CLK4: variants seen among roughly 807,000 people sequenced by gnomAD.
The protein encoded by CLK4 is dual specificity protein kinase CLK4.
A neutral mutation model predicts 64.4 loss-of-function variants in CLK4; 37 were observed. That is an observed-to-expected ratio of 0.57 (90% CI 0.44 to 0.76). The LOEUF (loss-of-function observed/expected upper bound fraction) is 0.76, where lower values mean the gene tolerates loss of function less well. CLK4 is among the 30% of genes least tolerant of loss of function. The probability of loss-of-function intolerance (pLI) is 0.00; values close to 1 mark genes in which losing one functional copy is unlikely to be tolerated. For synonymous variants in CLK4, 175 were observed against 191.6 expected (o/e 0.91, Z 0.72); for missense variants, 457 against 605.1 (o/e 0.76, Z 2.57).
At chr5:178,615,815 G>C (rs1764619456) in intron 5 of CLK4, among the ~76,000 whole-genome samples, 1 of 152,164 alleles carries the variant, frequency 6.6e-6, no homozygotes, top group South Asian at 2.1e-4. Flanking sequence ...CCACAAAATA[G>C]AGGTCCTAGA....
intron 11 of CLK4, chr5:178,604,228 C>G (rs1052829516): frequency 4.9e-6 from 1 of 205,240 alleles, no homozygotes. Flanking sequence ...TTCACTAGAT[C>G]TAGAATGGGG....
intron 10 of CLK4, among the ~76,000 whole-genome samples, chr5:178,606,440 G>A (rs978673155): frequency 2.0e-5 from 3 of 152,082 alleles, no homozygotes; most frequent in Non-Finnish European, 4.4e-5. Context: ...CAGAAATCTG[G>A]CGAGGTGCCC....
At chr5:178,613,026 GACA>G (rs1764578575) in intron 7 of CLK4, 136 bp from the exon 8 acceptor site, 7 of 507,800 alleles carry the variant, frequency 1.4e-5, no homozygotes, top group Admixed American at 1.1e-4. Flanking sequence ...TTTTTTTAGT[GACA>G]ACATTTGGAT....
chr5:178,623,436 GGGAATTGT>G lies in CLK4; in HGVS notation c.1-28_1-21del. On this transcript the variant is annotated intron_variant, in intron 1 of 12. Transcript: ENST00000316308. ...CCGCATCTGTTGATAGAAATGAAAA[GGGAATTGT>G]GGAGGTTACAGATGTGTGATAGGTA... 1 of 1,597,516 alleles carries G rather than the reference GGGAATTGT, an allele frequency of 6.3e-7. No homozygotes were observed. The highest frequency in any genetic ancestry group is 8.5e-7 in the Non-Finnish European group (1 of 1,173,760).
rs1206144992 is a variant in CLK4, at chr5:178,602,941, T to A, written c.*676A>T. ...TATATCTGTGACTCACCAAACATAC[T>A]TGGAAATGTCCATTTTCCAAGCTGA... is the stretch of plus-strand genomic sequence containing the variant. On this transcript the variant is annotated 3_prime_UTR_variant, in exon 13 of 13. Coordinates refer to ENST00000316308, the MANE Select transcript of CLK4 (RefSeq NM_020666.3). The A allele has an allele frequency of 6.6e-6, 1 of 152,228 alleles. No homozygotes were observed. Among genetic ancestry groups the A allele is most frequent in the Non-Finnish European group, 1.5e-5 (1 of 68,040 alleles). 9.4% of individuals were successfully genotyped at this position (152,228 alleles called of 1,614,324 possible). A position where few individuals can be genotyped will look rare whatever the true frequency, so the allele number is the denominator to read the frequency against.
At chr5:178,623,143 A>G in intron 2 of CLK4, 113 bp downstream of exon 2, 4 of 1,053,580 alleles carry the variant, frequency 3.8e-6, no homozygotes, top group South Asian at 1.4e-5. Context: ...TTCTAAACGA[A>G]TATTTGTTGA....
intron 9 of CLK4, among the ~76,000 whole-genome samples, chr5:178,610,166 T>C (rs1038699824): frequency 6.6e-6 from 1 of 151,608 alleles, no homozygotes; most frequent in Non-Finnish European, 1.5e-5. Flanking sequence ...GGCGGGCACC[T>C]GTAAGCCCAG....
chr5:178,619,404 T>G (rs1340867985), intron 2 of CLK4, among the ~76,000 whole-genome samples: 4 of 152,254 alleles, frequency 2.6e-5, no homozygotes, highest in African/African-American at 9.6e-5. Context: ...CTCTACTCTT[T>G]GCATTTCTAG....
At chr5:178,605,923 T>G (rs1410333364) in intron 10 of CLK4, 3 of 152,250 alleles carry the variant, frequency 2.0e-5, no homozygotes, top group African/African-American at 2.4e-5. Flanking sequence ...TGGTCCCTAT[T>G]GCATACTCTT....
At chr5:178,616,584 T>C (rs1234778974) in intron 5 of CLK4, among the ~76,000 whole-genome samples, 1 of 151,932 alleles carries the variant, frequency 6.6e-6, no homozygotes, top group African/African-American at 2.4e-5. Flanking sequence ...TCACTTGAGG[T>C]CAGGAGTTCG....
At position 178,603,363 on chromosome 5, in the gene CLK4, C is replaced by A. The variant is rs112792523; in HGVS notation, c.*254G>T. On this transcript the variant is annotated 3_prime_UTR_variant, in exon 13 of 13. Transcript: ENST00000316308. Reference sequence around the variant, plus strand: ...AAGATCAATCACATTTATCACTGGACACAAAGGATATTTCAAAGGTATTTA... The same window carrying A: ...AAGATCAATCACATTTATCACTGGAAACAAAGGATATTTCAAAGGTATTTA... The A allele has an allele frequency of 3.2e-4, 74 of 233,132 alleles. 1 individual carries two copies. The highest frequency in any genetic ancestry group is 1.5e-3 in the African/African-American group (65 of 44,426). The allele number at this position is 233,132 out of a possible 1,614,324, so 14.4% of individuals were successfully genotyped here.
At chr5:178,610,205 G>A (rs1412766140) in intron 9 of CLK4, among the ~76,000 whole-genome samples, 1 of 151,688 alleles carries the variant, frequency 6.6e-6, no homozygotes, top group Non-Finnish European at 1.5e-5. Flanking sequence ...CAGGAGAATC[G>A]CTTGAACCCG....
chr5:178,613,567 A>G lies in CLK4; in HGVS notation c.732T>C (p.Leu244=). ...HVCIVFELLG[L]STYDFIKENS... ...TTTCTTTAATGAAATCGTAAGTACT[A>G]AGTCCCAGTAGTTCAAACACAATAC... Residue 244 remains leucine (L), a synonymous_variant, in exon 7 of 13, where the codon CTT becomes CTC. Coordinates refer to ENST00000316308, the MANE Select transcript of CLK4 (RefSeq NM_020666.3). 6.2e-7 allele frequency: 1 copy of G among 1,612,850 alleles called. No individual in the cohort carries two copies. Among genetic ancestry groups the G allele is most frequent in the East Asian group, 2.2e-5 (1 of 44,856 alleles).
chr5:178,611,887 G>T (rs931329275), intron 9 of CLK4, among the ~76,000 whole-genome samples: 1 of 152,130 alleles, frequency 6.6e-6, no homozygotes, highest in Non-Finnish European at 1.5e-5. Flanking sequence ...AACTTTTAAT[G>T]TTGAGGCATA....
chr5:178,617,241 A>T lies in CLK4; in HGVS notation c.475+103T>A. 1 of 881,608 alleles carries T rather than the reference A, an allele frequency of 1.1e-6. No individual in the cohort carries two copies. The highest frequency in any genetic ancestry group is 1.8e-6 in the Non-Finnish European group (1 of 551,072). 54.6% of individuals were successfully genotyped at this position (881,608 alleles called of 1,614,324 possible). A position where few individuals can be genotyped will look rare whatever the true frequency, so the allele number is the denominator to read the frequency against. The stretch of plus-strand genomic sequence containing the variant: ...AACAAACAAACCCACAAAAAGCAAA[A>T]TAAAAAAGCAATGAAGAGTTCTTTA... On this transcript the variant is annotated intron_variant, in intron 4 of 12. Coordinates refer to ENST00000316308, the MANE Select transcript of CLK4 (RefSeq NM_020666.3). The surrounding 1 kb of genome is among the most constrained non-coding windows in gnomAD (Gnocchi z 5.2).
chr5:178,603,730 G>A lies in CLK4; in HGVS notation c.1333C>T (p.His445Tyr). 1 of 1,595,266 alleles carries A rather than the reference G, an allele frequency of 6.3e-7. No homozygotes were observed. The highest frequency in any genetic ancestry group is 8.5e-7 in the Non-Finnish European group (1 of 1,174,516). ...KEFMLCHDEE[H>Y]EKLFDLVRRM... The stretch of plus-strand genomic sequence containing the variant: ...CGAACCAGGTCAAACAGTTTCTCAT[G>A]TTCTTCATCATGACAAAGCATAAAT... The change falls in exon 13 of 13, where the codon CAT becomes TAT. Residue 445 changes from histidine to tyrosine, a missense_variant. His to Tyr is a moderately conservative substitution (Grantham distance 83). Coordinates refer to ENST00000316308, the MANE Select transcript of CLK4 (RefSeq NM_020666.3).
chr5:178,612,744 T>C, intron 8 of CLK4, 52 bp downstream of exon 8: 1 of 1,164,844 alleles, frequency 8.6e-7, no homozygotes, highest in Non-Finnish European at 1.3e-6. Flanking sequence ...GATCATCAAG[T>C]TAAATTAATT....
intron 5 of CLK4, 105 bp downstream of exon 5, chr5:178,616,777 C>T: frequency 1.2e-6 from 1 of 859,784 alleles, no homozygotes; most frequent in Non-Finnish European, 1.8e-6. Flanking sequence ...GCCTGGGCAA[C>T]AGAGGCCCTA....
intron 4 of CLK4, 38 bp from the exon 5 acceptor site, chr5:178,616,986 G>A: frequency 1.5e-6 from 2 of 1,337,476 alleles, no homozygotes; most frequent in Non-Finnish European, 2.2e-6. Flanking sequence ...AAGTACCTGA[G>A]TACAAACTGT....
Sources: allele counts gnomAD v4.1 joint callset (sites outside exome capture counted in the v4.1 genomes callset), GRCh38; gene constraint gnomAD v4.1.1; non-coding constraint Gnocchi (gnomAD v3.1); transcripts MANE v1.5; gene names NCBI Gene and HGNC (gene_info 2026-07-23, HGNC 2026-07-21).